FCGRT: variants seen among roughly 807,000 people sequenced by gnomAD.
The protein encoded by FCGRT is Fc gamma receptor and transporter.
Under a neutral mutation model 35.7 loss-of-function variants are expected in FCGRT, and 13 were observed. The ratio of observed to expected loss-of-function variants is 0.36; its 90% confidence interval spans 0.24 to 0.58. The LOEUF (loss-of-function observed/expected upper bound fraction) is 0.58, where lower values mean the gene tolerates loss of function less well. FCGRT is among the 20% of genes least tolerant of loss of function. The pLI is 0.77. For missense variants in FCGRT, 455 were observed against 474.9 expected, an observed-to-expected ratio of 0.96 and a Z score of 0.39; for synonymous variants, 233 against 216.5, an observed-to-expected ratio of 1.08 and a Z score of -0.67.
chr19:49,516,778 G>A (rs909522183), intron 4 of FCGRT, among the ~76,000 whole-genome samples: 16 of 151,670 alleles, frequency 1.1e-4, no homozygotes, highest in South Asian at 1.0e-3. Context: ...GGCTGGTCTC[G>A]AACTCCTGAT....
rs746958247 is a variant in FCGRT at position 49,522,770 on chromosome 19, CTTTTTTTTTTTT to C, written c.602-1723_602-1712del. ...ATGAGAGACATTGGCCTTAAGCTCT[CTTTTTTTTTTTT>C]TTTTTTTTTTTTTGAGATGGAGTCT... is the stretch of plus-strand genomic sequence containing the variant. On this transcript the variant is annotated intron_variant, in intron 4 of 6. Coordinates refer to ENST00000221466, the MANE Select transcript of FCGRT (RefSeq NM_001136019.3). Among the ~76,000 whole-genome samples, 333 of 66,682 alleles carry C rather than the reference CTTTTTTTTTTTT, an allele frequency of 5.0e-3. 10 individuals carry two copies. In the East Asian group the frequency reaches 0.098, roughly 20 times the overall value. The allele number at this position is 66,682 out of a possible 152,430, so 43.7% of individuals were successfully genotyped here.
At position 49,514,433 on chromosome 19, in the gene FCGRT, C is replaced by G; in HGVS notation, c.548C>G (p.Pro183Arg). ...CTCACCTTCCTGCTATTCTCCTGCC[C>G]GCACCGCCTGCGGGAGCACCTGGAG... is the stretch of plus-strand genomic sequence containing the variant. Reference protein sequence around the residue: ...KELTFLLFSCPHRLREHLERG... With the variant: ...KELTFLLFSCRHRLREHLERG... Residue 183 changes from proline (P) to arginine (R), a missense_variant, in exon 4 of 7, where the codon CCG becomes CGG. Transcript: ENST00000221466. The G allele has an allele frequency of 6.3e-7, 1 of 1,585,838 alleles. No homozygotes were observed. Among genetic ancestry groups the G allele is most frequent in the African/African-American group, 1.3e-5 (1 of 74,540 alleles).
Position 49,513,355 on chromosome 19 carries a change from C to T in FCGRT, c.-14-32C>T, listed in dbSNP as rs868711387. On this transcript the variant is annotated intron_variant, in intron 1 of 6. Coordinates refer to ENST00000221466, the MANE Select transcript of FCGRT (RefSeq NM_001136019.3). ...CGGGAGGAAGGGGCGGGCCGGGGGT[C>T]GGGAGGAGTCACGTGCCCCCTCCCG... is the stretch of plus-strand genomic sequence containing the variant. 31 of 437,984 alleles carry T rather than the reference C, an allele frequency of 7.1e-5. No homozygotes were observed. In the South Asian group the frequency reaches 2.6e-3, roughly 37 times the overall value. The allele number at this position is 437,984 out of a possible 1,614,324, so 27.1% of individuals were successfully genotyped here. A position where few individuals can be genotyped will look rare whatever the true frequency, so the allele number is the denominator to read the frequency against.
intron 5 of FCGRT, 85 bp downstream of exon 5, chr19:49,524,861 C>A: frequency 7.8e-7 from 1 of 1,277,724 alleles, no homozygotes; most frequent in South Asian, 1.3e-5. Context: ...TCTGACCTTC[C>A]TCCCCACTGC....
intron 4 of FCGRT, among the ~76,000 whole-genome samples, chr19:49,518,782 A>C (rs1432312966): frequency 1.3e-5 from 2 of 151,554 alleles, no homozygotes; most frequent in Admixed American, 1.3e-4. Flanking sequence ...TGATCCACCC[A>C]CCTCGGCCTC....
chr19:49,524,508 G>A lies in FCGRT; in HGVS notation c.603G>A (p.Glu201=), dbSNP rs138753062. ...ERGRGNLEWK[E]PPSMRLKARP... ...GCCTGTCTGCCTGATTTCCTGCAGAGCCCCCCTCCATGCGCCTGAAGGCCC... is the reference window on the plus strand; with the variant it reads ...GCCTGTCTGCCTGATTTCCTGCAGAACCCCCCTCCATGCGCCTGAAGGCCC... The change falls in exon 5 of 7, where the codon GAG becomes GAA. Residue 201 remains glutamate (E), a splice_region_variant and synonymous_variant. Transcript: ENST00000221466. The A allele has an allele frequency of 1.4e-4, 226 of 1,605,222 alleles. 2 individuals are homozygous for A. In the African/African-American group the frequency reaches 2.4e-3, roughly 17 times the overall value.
intron 5 of FCGRT, chr19:49,525,131 G>A: frequency 1.9e-6 from 1 of 520,010 alleles, no homozygotes; most frequent in Non-Finnish European, 3.6e-6. Context: ...CACCAAGACT[G>A]ACTGCCTGCT....
In FCGRT at chr19:49,518,638, A is replaced by G. The variant is rs146835980; in HGVS notation, c.601+4152A>G. On this transcript the variant is annotated intron_variant, in intron 4 of 6. Transcript: ENST00000221466. Reference sequence around the variant, plus strand: ...AACTTCTGCCTCCCGGGTTCAAGCAATTCTCCTGCCTCAGCGTCCCAAGTA... The same window carrying G: ...AACTTCTGCCTCCCGGGTTCAAGCAGTTCTCCTGCCTCAGCGTCCCAAGTA... Among the ~76,000 whole-genome samples, 1,318 of 152,040 alleles carry G rather than the reference A, an allele frequency of 8.7e-3. 10 individuals carry two copies. The highest frequency in any genetic ancestry group is 0.028 in the South Asian group (134 of 4,828).
In FCGRT at chr19:49,514,002, G is replaced by A. The variant is rs566716525; in HGVS notation, c.194G>A (p.Arg65Gln). Reference protein sequence around the residue: ...PQQYLSYNSLRGEAEPCGAWV... With the variant: ...PQQYLSYNSLQGEAEPCGAWV... Reference sequence around the variant, plus strand: ...CAGTACCTGAGCTACAATAGCCTGCGGGGCGAGGCGGAGCCCTGTGGAGCT... The same window carrying A: ...CAGTACCTGAGCTACAATAGCCTGCAGGGCGAGGCGGAGCCCTGTGGAGCT... The change falls in exon 3 of 7, where the codon CGG becomes CAG. Residue 65 changes from arginine to glutamine, a missense_variant. Physicochemically the swap from Arg to Gln is conservative, Grantham distance 43. Transcript: ENST00000221466. 93 of 1,613,492 alleles carry A rather than the reference G, an allele frequency of 5.8e-5. 2 individuals carry two copies. The South Asian group carries it at 1.0e-3, about 18-fold the overall frequency.
At chr19:49,518,244 G>C (rs965003691) in intron 4 of FCGRT, among the ~76,000 whole-genome samples, 1 of 151,930 alleles carries the variant, frequency 6.6e-6, no homozygotes, top group Non-Finnish European at 1.5e-5. Context: ...TCCAGTTTTT[G>C]TTCCCATATT....
In FCGRT at chr19:49,513,437, C is replaced by T. The variant is rs1221552740; in HGVS notation, c.37C>T (p.Leu13Phe). ...VPRPQPWALG[L>F]LLFLLPGSLG... ...GCGGCCTCAGCCCTGGGCGCTGGGG[C>T]TCCTGCTCTTTCTCCTTCCTGGGAG... Residue 13 changes from leucine to phenylalanine, a missense_variant, in exon 2 of 7, where the codon CTC becomes TTC. By Grantham distance (22) the Leu-to-Phe change is conservative (BLOSUM62 0). Coordinates refer to ENST00000221466, the MANE Select transcript of FCGRT (RefSeq NM_001136019.3). The T allele has an allele frequency of 8.1e-7, 1 of 1,228,314 alleles. No individual in the cohort carries two copies. The highest frequency in any genetic ancestry group is 1.0e-6 in the Non-Finnish European group (1 of 978,530). The allele number at this position is 1,228,314 out of a possible 1,614,324, so 76.1% of individuals were successfully genotyped here.
chr19:49,520,379 CTT>C (rs1430587612), intron 4 of FCGRT, among the ~76,000 whole-genome samples: 1 of 146,366 alleles, frequency 6.8e-6, no homozygotes, highest in Admixed American at 6.9e-5. Flanking sequence ...GAGTTTCACT[CTT>C]ATTGCGCAGG....
rs1433490219 is a variant in FCGRT at position 49,514,109 on chromosome 19, G to A, written c.301G>A (p.Ala101Thr). The A allele has an allele frequency of 1.2e-6, 2 of 1,612,576 alleles. No homozygotes were observed. The highest frequency in any genetic ancestry group is 1.7e-6 in the Non-Finnish European group (2 of 1,179,940). The change falls in exon 3 of 7, where the codon GCT becomes ACT. Residue 101 changes from alanine (A) to threonine (T), a missense_variant. By Grantham distance (58) the Ala-to-Thr change is moderately conservative. Around this residue, in one of 3 missense-constraint regions of FCGRT, gnomAD observed 136 missense variants for 158.9 expected, o/e 0.86. Transcript: ENST00000221466. ...LRIKEKLFLE[A>T]FKALGGKGPY... ...GATCAAGGAGAAGCTCTTTCTGGAA[G>A]CTTTCAAAGCTTTGGGGGGAAAAGG... is the stretch of plus-strand genomic sequence containing the variant.
rs2080075519 is a variant in FCGRT, at chr19:49,526,085, T to C, written c.1064T>C (p.Leu355Ser). Residue 355 changes from leucine to serine, a missense_variant, in exon 7 of 7, where the codon TTG becomes TCG. Leu to Ser is a moderately radical substitution (Grantham distance 145). Coordinates refer to ENST00000221466, the MANE Select transcript of FCGRT (RefSeq NM_001136019.3). ...CCAGGGGAGGCCCAGGATGCTGATTTGAAGGATGTAAATGTGATTCCAGCC... is the reference window on the plus strand; with the variant it reads ...CCAGGGGAGGCCCAGGATGCTGATTCGAAGGATGTAAATGTGATTCCAGCC... ...PTPGEAQDAD[L>S]KDVNVIPATA 1 of 1,613,428 alleles carries C rather than the reference T, an allele frequency of 6.2e-7. No homozygotes were observed. The highest frequency in any genetic ancestry group is 1.3e-5 in the African/African-American group (1 of 74,890).
Position 49,514,227 on chromosome 19 carries a change from G to A in FCGRT, c.342G>A (p.Gln114=), listed in dbSNP as rs1224883201. ...ALGGKGPYTL[Q]GLLGCELGPD... is the part of the protein sequence containing the mutation. ...GCGCCCCAGGTCCCTACACTCTGCA[G>A]GGCCTGCTGGGCTGTGAACTGGGCC... Residue 114 remains glutamine, a synonymous_variant, in exon 4 of 7, where the codon CAG becomes CAA. Transcript: ENST00000221466. 6.2e-7 allele frequency: 1 copy of A among 1,610,536 alleles called. No homozygotes were observed. Among genetic ancestry groups the A allele is most frequent in the African/African-American group, 1.3e-5 (1 of 74,894 alleles).
At position 49,524,629 on chromosome 19, in the gene FCGRT, G is replaced by A. The variant is rs780268860; in HGVS notation, c.724G>A (p.Ala242Thr). ...TCGGTTCCTGCGGAATGGGCTGGCC[G>A]CTGGCACCGGCCAGGGTGACTTCGG... ...QLRFLRNGLA[A>T]GTGQGDFGPN... is the part of the protein sequence containing the mutation. The change falls in exon 5 of 7, where the codon GCT (alanine) becomes ACT (threonine). Residue 242 changes from alanine to threonine, a missense_variant. Coordinates refer to ENST00000221466, the MANE Select transcript of FCGRT (RefSeq NM_001136019.3). The A allele has an allele frequency of 6.8e-6, 11 of 1,609,422 alleles. No homozygotes were observed. The highest frequency in any genetic ancestry group is 4.0e-5 in the African/African-American group (3 of 74,916).
At position 49,525,996 on chromosome 19, in the gene FCGRT, C is replaced by A; in HGVS notation, c.989-14C>A. ...AGAGATTCTGATGACCTCTCCCTCT[C>A]TCTCTCTCCTCAGCCCCTTGGATCT... On this transcript the variant is annotated splice_polypyrimidine_tract_variant and intron_variant, in intron 6 of 6. Coordinates refer to ENST00000221466, the MANE Select transcript of FCGRT (RefSeq NM_001136019.3). The A allele has an allele frequency of 6.5e-7, 1 of 1,549,092 alleles. No individual in the cohort carries two copies. Among genetic ancestry groups the A allele is most frequent in the Non-Finnish European group, 8.9e-7 (1 of 1,121,596 alleles).
At chr19:49,523,290 C>T (rs780691138) in intron 4 of FCGRT, among the ~76,000 whole-genome samples, 10 of 151,786 alleles carry the variant, frequency 6.6e-5, no homozygotes, top group African/African-American at 1.2e-4. Context: ...TTAAATAGGC[C>T]GGGTGTGGTG....
Position 49,514,464 on chromosome 19 carries a change from C to A in FCGRT, c.579C>A (p.Gly193=). 1.3e-6 allele frequency: 2 copies of A among 1,556,136 alleles called. No homozygotes were observed. The highest frequency in any genetic ancestry group is 1.7e-6 in the Non-Finnish European group (2 of 1,147,438). ...PHRLREHLER[G]RGNLEWKEPP... ...GCCTGCGGGAGCACCTGGAGAGGGG[C>A]CGCGGAAACCTGGAGTGGAAGGGTG... is the stretch of plus-strand genomic sequence containing the variant. The change falls in exon 4 of 7, where the codon GGC becomes GGA. Residue 193 remains glycine (G), a synonymous_variant. Transcript: ENST00000221466.
Sources: gnomAD v4.1 joint callset for allele counts (sites outside exome capture counted in the v4.1 genomes callset) on GRCh38, gnomAD v4.1.1 for gene constraint, gnomAD v4.1.1 regional missense constraint, MANE v1.5 for transcripts, NCBI Gene and HGNC (gene_info 2026-07-23, HGNC 2026-07-21) for gene names.